Variants in NANOS3 observed in about 807,000 individuals in gnomAD.
The protein encoded by NANOS3 is nanos homolog 3.
A neutral mutation model predicts 13.8 loss-of-function variants in NANOS3; 11 were observed. The observed-to-expected ratio is 0.80, with a 90% CI of 0.50 to 1.32. NANOS3 has a LOEUF of 1.32. Ranked by LOEUF, NANOS3 falls within the 40% of genes most tolerant of loss-of-function variation. NANOS3 has a pLI of 0.00. For synonymous variants in NANOS3, 119 were observed against 115.4 expected (o/e 1.03, Z -0.20); for missense variants, 221 against 263.8 (o/e 0.84, Z 1.12).
At chr19:13,870,217 C>T (rs1976305481) in intron 1 of NANOS3, among the ~76,000 whole-genome samples, 1 of 152,078 alleles carries the variant, frequency 6.6e-6, no homozygotes, top group Admixed American at 6.6e-5. Context: ...ATAGCTGGGA[C>T]TACAGGCGCA....
At chr19:13,874,850 G>T (rs1161836962), upstream of NANOS3, 1 of 525,804 alleles carries the variant, frequency 1.9e-6, no homozygotes, top group Non-Finnish European at 4.0e-6. Flanking sequence ...GGGGGCCTGG[G>T]GAGCCCCCAA....
rs779479165 is a variant in NANOS3, at chr19:13,877,655, C to T, written c.407C>T (p.Thr136Ile). ...TGCCCACTTACTGGCCAGGGCTACA[C>T]CTCCGTCTACAGCCACACCACCCGA... The part of the protein sequence containing the change: ...RFCPLTGQGY[T>I]SVYSHTTRNS... The change falls in exon 1 of 2, where the codon ACC becomes ATC. Residue 136 changes from threonine to isoleucine, a missense_variant. Around this residue, in one of 3 missense-constraint regions of NANOS3, gnomAD observed 49 missense variants for 91.0 expected, o/e 0.54. Coordinates refer to ENST00000339133, the MANE Select transcript of NANOS3 (RefSeq NM_001098622.3). The T allele has an allele frequency of 1.2e-6, 2 of 1,612,100 alleles. No individual in the cohort carries two copies. The highest frequency in any genetic ancestry group is 1.1e-5 in the South Asian group (1 of 91,080).
intron 1 of NANOS3, 97 bp downstream of exon 1, chr19:13,877,862 G>C (rs1320118831): frequency 6.9e-7 from 1 of 1,453,820 alleles, no homozygotes; most frequent in Admixed American, 2.6e-5. Flanking sequence ...CCAAGGGTTA[G>C]GGGAAGACCT....
chr19:13,864,453 C>G (rs1353230798), upstream of NANOS3, among the ~76,000 whole-genome samples: 2 of 152,132 alleles, frequency 1.3e-5, no homozygotes, highest in Admixed American at 6.5e-5. Context: ...TTCTCTGCCT[C>G]TGCGACTGGT....
upstream of NANOS3, among the ~76,000 whole-genome samples, chr19:13,873,804 C>T (rs954689519): frequency 6.6e-6 from 1 of 152,018 alleles, no homozygotes; most frequent in African/African-American, 2.4e-5. Context: ...GTCCGCAGAC[C>T]CAGGTCAGGG....
At position 13,871,680 on chromosome 19, in the gene NANOS3, G is replaced by A. The variant is rs114175455; in HGVS notation, n.22-5988G>A. Reference sequence around the variant, plus strand: ...AATGTCTCCTGCCTGATGACCCCCCGCCCCCAACATTAAAGCTGTTCACAG... The same window carrying A: ...AATGTCTCCTGCCTGATGACCCCCCACCCCCAACATTAAAGCTGTTCACAG... On this transcript the variant is annotated intron_variant and non_coding_transcript_variant, in intron 1 of 2. Transcript: ENST00000591161. Among the ~76,000 whole-genome samples the A allele has an allele frequency of 3.8e-3, 573 of 151,924 alleles. 2 individuals are homozygous for A. The highest frequency in any genetic ancestry group is 0.013 in the African/African-American group (550 of 41,398).
At chr19:13,870,772 G>T (rs1241374876) in intron 1 of NANOS3, among the ~76,000 whole-genome samples, 2 of 151,398 alleles carry the variant, frequency 1.3e-5, no homozygotes, top group Non-Finnish European at 2.9e-5. Context: ...TAGAGATGGG[G>T]TTTCACCATG....
At chr19:13,867,453 TGGA>T (rs1204699495) in intron 1 of NANOS3, among the ~76,000 whole-genome samples, 2 of 151,420 alleles carry the variant, frequency 1.3e-5, no homozygotes, top group African/African-American at 2.4e-5. Context: ...TTTGTAGAGA[TGGA>T]GTTTTGCCGG....
At chr19:13,862,442 G>T (rs1165987227), upstream of NANOS3, among the ~76,000 whole-genome samples, 1 of 152,216 alleles carries the variant, frequency 6.6e-6, no homozygotes, top group African/African-American at 2.4e-5. Context: ...GCTGGTGGCT[G>T]CAGGAAATTC....
chr19:13,878,607 T>C (rs528498029), intron 1 of NANOS3, among the ~76,000 whole-genome samples: 1 of 151,778 alleles, frequency 6.6e-6, no homozygotes, highest in East Asian at 1.9e-4. Flanking sequence ...TTCTTCCTTT[T>C]TTTTTTTAAT....
chr19:13,875,269 C>T (rs974384695), upstream of NANOS3, among the ~76,000 whole-genome samples: 7 of 151,824 alleles, frequency 4.6e-5, no homozygotes, highest in Non-Finnish European at 1.0e-4. Context: ...TCACTGCAAC[C>T]TCTGCCTCCA....
At chr19:13,880,323 G>T (rs1599307374) in intron 1 of NANOS3, 119 bp from the exon 2 acceptor site, 1 of 885,402 alleles carries the variant, frequency 1.1e-6, no homozygotes, top group South Asian at 1.6e-5. Flanking sequence ...GCTGTCTCCG[G>T]AGCAGCCCCT....
rs370702955 is a variant in NANOS3 at position 13,879,239 on chromosome 19, C to G, written c.518-1203C>G. Among the ~76,000 whole-genome samples the G allele has an allele frequency of 3.9e-5, 6 of 152,128 alleles. No homozygotes were observed. The East Asian group carries it at 5.8e-4, about 15-fold the overall frequency. Reference sequence around the variant, plus strand: ...CAGGCTTGAGCCACCATGCCTGGCCCCCAGTGAGGTTTTAAAAGAGAAACT... The same window carrying G: ...CAGGCTTGAGCCACCATGCCTGGCCGCCAGTGAGGTTTTAAAAGAGAAACT... On this transcript the variant is annotated intron_variant, in intron 1 of 1. Transcript: ENST00000339133.
upstream of NANOS3, among the ~76,000 whole-genome samples, chr19:13,873,356 G>A (rs1968435004): frequency 6.6e-6 from 1 of 151,794 alleles, no homozygotes; most frequent in Admixed American, 6.6e-5. Context: ...TGTGGTGGGG[G>A]GGTGGTTCAC....
chr19:13,877,879 G>A, intron 1 of NANOS3, 114 bp downstream of exon 1: 1 of 1,434,492 alleles, frequency 7.0e-7, no homozygotes, highest in African/African-American at 1.4e-5. Context: ...ACCTTAGAGA[G>A]AGCTTAGAAC....
chr19:13,876,628 C>T (rs1968519251), upstream of NANOS3, among the ~76,000 whole-genome samples: 1 of 152,100 alleles, frequency 6.6e-6, no homozygotes, highest in Admixed American at 6.5e-5. Flanking sequence ...CGCAACCAGC[C>T]CATGAGCCTG....
chr19:13,870,968 C>T (rs899426106), intron 1 of NANOS3, among the ~76,000 whole-genome samples: 1 of 151,782 alleles, frequency 6.6e-6, no homozygotes, highest in African/African-American at 2.4e-5. Context: ...GCACTGGGGT[C>T]AGGTGAGGGG....
chr19:13,864,518 C>A (rs563559148), upstream of NANOS3, among the ~76,000 whole-genome samples: 1 of 152,096 alleles, frequency 6.6e-6, no homozygotes, highest in African/African-American at 2.4e-5. Context: ...CTTTGTGGAT[C>A]TGTGTCTCCA....
chr19:13,872,970 A>G (rs10409992), upstream of NANOS3, among the ~76,000 whole-genome samples: 7,429 of 134,222 alleles, frequency 0.055, 639 homozygotes, highest in African/African-American at 0.2. Context: ...GCCCTACGAA[A>G]TTCGGTTTGG....
Sources: allele counts gnomAD v4.1 joint callset (sites outside exome capture counted in the v4.1 genomes callset), GRCh38; gene constraint gnomAD v4.1.1; regional missense constraint gnomAD v4.1.1; transcripts MANE v1.5; gene names NCBI Gene and HGNC (gene_info 2026-07-23, HGNC 2026-07-21).